Variants in HDGFL3 observed in about 807,000 individuals in gnomAD.
The protein encoded by HDGFL3 is HDGF like 3, also known as hepatoma-derived growth factor-related protein 3.
A neutral mutation model predicts 27.6 loss-of-function variants in HDGFL3; 6 were observed. That is an observed-to-expected ratio of 0.22 (90% CI 0.12 to 0.43). HDGFL3 has a LOEUF of 0.43. Among genes scored for constraint, HDGFL3 ranks in the 20% least tolerant of loss-of-function variants. The pLI is 1.00. For missense variants in HDGFL3, 207 were observed against 250.1 expected, an observed-to-expected ratio of 0.83 and a Z score of 1.16; for synonymous variants, 88 against 88.9, an observed-to-expected ratio of 0.99 and a Z score of 0.05.
At position 83,132,287 on chromosome 15, in the gene HDGFL3, A is replaced by C. The variant is rs1337512291; in HGVS notation, c.*6983T>G. 1 of 152,236 alleles carries C rather than the reference A, an allele frequency of 6.6e-6. No individual in the cohort carries two copies. The highest frequency in any genetic ancestry group is 2.4e-5 in the African/African-American group (1 of 41,452). The allele number at this position is 152,236 out of a possible 1,614,324, so 9.4% of individuals were successfully genotyped here. ...TATGTTGTTCCGAAGATTAACCTGA[A>C]GACAAACTAATTAAATTAAGTGTAT... On this transcript the variant is annotated 3_prime_UTR_variant, in exon 6 of 6. Transcript: ENST00000299633.
At position 83,136,309 on chromosome 15, in the gene HDGFL3, A is replaced by T; in HGVS notation, c.*2961T>A. On this transcript the variant is annotated 3_prime_UTR_variant, in exon 6 of 6. Transcript: ENST00000299633. ...CTAAATTTAATCAAGGACTAAATTT[A>T]ATGAAAGACTCTGACATTAAAGACT... The T allele has an allele frequency of 2.2e-6, 1 of 462,298 alleles. No individual in the cohort carries two copies. The highest frequency in any genetic ancestry group is 3.8e-6 in the Non-Finnish European group (1 of 263,564). 28.6% of individuals were successfully genotyped at this position (462,298 alleles called of 1,614,324 possible). A position where few individuals can be genotyped will look rare whatever the true frequency, so the allele number is the denominator to read the frequency against.
At chr15:83,152,434 C>T (rs957986881) in intron 4 of HDGFL3, among the ~76,000 whole-genome samples, 4 of 152,172 alleles carry the variant, frequency 2.6e-5, no homozygotes, top group Admixed American at 6.5e-5. Flanking sequence ...GGCGCAGTGG[C>T]TCACGCCTTT....
At chr15:83,156,209 CAT>C (rs2037027023) in intron 4 of HDGFL3, among the ~76,000 whole-genome samples, 2 of 152,142 alleles carry the variant, frequency 1.3e-5, no homozygotes, top group African/African-American at 4.8e-5. Context: ...TTCCCTCTGC[CAT>C]ATATGGCTTC....
intron 5 of HDGFL3, among the ~76,000 whole-genome samples, chr15:83,147,258 C>T (rs565992644): frequency 6.6e-6 from 1 of 152,016 alleles, no homozygotes; most frequent in Non-Finnish European, 1.5e-5. Context: ...GGTGTATTTT[C>T]ACCATGTTGG....
At position 83,130,562 on chromosome 15, in the gene HDGFL3, G is replaced by A. The variant is rs1248537316; in HGVS notation, c.*8708C>T. 2.0e-5 allele frequency: 3 copies of A among 152,286 alleles called. No homozygotes were observed. Among genetic ancestry groups the A allele is most frequent in the Non-Finnish European group, 4.4e-5 (3 of 68,094 alleles). 9.4% of individuals were successfully genotyped at this position (152,286 alleles called of 1,614,324 possible). ...TCAGAAGGATGTTTCTCCCAGCCCAGCAGGTGAAGACAGACTGAGTAAAGA... is the reference window on the plus strand; with the variant it reads ...TCAGAAGGATGTTTCTCCCAGCCCAACAGGTGAAGACAGACTGAGTAAAGA... On this transcript the variant is annotated 3_prime_UTR_variant, in exon 6 of 6. Coordinates refer to ENST00000299633, the MANE Select transcript of HDGFL3 (RefSeq NM_016073.4).
downstream of HDGFL3, chr15:83,124,620 G>T: frequency 7.2e-7 from 1 of 1,395,664 alleles, no homozygotes; most frequent in East Asian, 2.3e-5. Flanking sequence ...TCAGATTTCA[G>T]ATTCTTCTTT....
intron 1 of HDGFL3, among the ~76,000 whole-genome samples, chr15:83,171,041 T>C (rs995284206): frequency 1.3e-5 from 2 of 152,046 alleles, no homozygotes; most frequent in Admixed American, 1.3e-4. Flanking sequence ...ACACCAGTCA[T>C]AATGGCTACT....
intron 1 of HDGFL3, among the ~76,000 whole-genome samples, chr15:83,167,620 A>G (rs7165978): frequency 0.28 from 41,795 of 151,764 alleles, 6,547 homozygotes; most frequent in African/African-American, 0.43. Flanking sequence ...TCAACTCAAC[A>G]AGAAGGTTTA....
intron 3 of HDGFL3, chr15:83,116,081 C>A (rs905789688): frequency 1.5e-6 from 1 of 661,362 alleles, no homozygotes. Flanking sequence ...AGCCTTAGGT[C>A]GCTTAGTCAC....
In HDGFL3 at chr15:83,207,257, G is replaced by A. The variant is rs1477352037; in HGVS notation, c.84+74C>T. On this transcript the variant is annotated intron_variant, in intron 1 of 5. Transcript: ENST00000299633. The surrounding 1 kb of genome is among the most constrained non-coding windows in gnomAD (Gnocchi z 4.8). ...GCGGGCTCGGGGCTGAGGCGATGGGGAAAGGGGGCGGGCGCGCCATCATGA... is the reference window on the plus strand; with the variant it reads ...GCGGGCTCGGGGCTGAGGCGATGGGAAAAGGGGGCGGGCGCGCCATCATGA... 2.7e-5 allele frequency: 29 copies of A among 1,075,274 alleles called. No individual in the cohort carries two copies. Among genetic ancestry groups the A allele is most frequent in the Middle Eastern group, 3.4e-4 (1 of 2,946 alleles). 66.6% of individuals were successfully genotyped at this position (1,075,274 alleles called of 1,614,324 possible). A position where few individuals can be genotyped will look rare whatever the true frequency, so the allele number is the denominator to read the frequency against.
intron 1 of HDGFL3, among the ~76,000 whole-genome samples, chr15:83,173,936 T>C (rs1450112605): frequency 6.6e-6 from 1 of 152,204 alleles, no homozygotes; most frequent in Non-Finnish European, 1.5e-5. Context: ...AGCCTGAGGA[T>C]TACAGTACCA....
chr15:83,146,309 A>G (rs1320488426), intron 5 of HDGFL3, among the ~76,000 whole-genome samples: 1 of 152,178 alleles, frequency 6.6e-6, no homozygotes, highest in Non-Finnish European at 1.5e-5. Context: ...TTCTACTGGC[A>G]TTTAACACAC....
In HDGFL3 at chr15:83,207,356, T is replaced by G; in HGVS notation, c.59A>C (p.Lys20Thr). 7.1e-7 allele frequency: 1 copy of G among 1,400,350 alleles called. No individual in the cohort carries two copies. Among genetic ancestry groups the G allele is most frequent in the Non-Finnish European group, 9.3e-7 (1 of 1,071,966 alleles). 86.7% of individuals were successfully genotyped at this position (1,400,350 alleles called of 1,614,324 possible). ...CCGGGCCGGCCAGTGCGGGTAGCCC[T>G]TCATCTTGGCGAAGACCAGGTCGCC... is the stretch of plus-strand genomic sequence containing the variant. ...KAGDLVFAKM[K>T]GYPHWPARID... is the part of the protein sequence containing the mutation. The change falls in exon 1 of 6, where the codon AAG becomes ACG. Residue 20 changes from lysine to threonine, a missense_variant. Physicochemically the swap from Lys to Thr is moderately conservative, Grantham distance 78. Coordinates refer to ENST00000299633, the MANE Select transcript of HDGFL3 (RefSeq NM_016073.4). The surrounding 1 kb of genome is among the most constrained non-coding windows in gnomAD (Gnocchi z 4.8).
rs2037411962 is a variant in HDGFL3 at position 83,183,995 on chromosome 15, T to C, written c.85-19920A>G. Among the ~76,000 whole-genome samples, 4 of 152,296 alleles carry C rather than the reference T, an allele frequency of 2.6e-5. No homozygotes were observed. The South Asian group carries it at 8.3e-4, about 32-fold the overall frequency. On this transcript the variant is annotated intron_variant, in intron 1 of 5. Transcript: ENST00000299633. ...ATGGGAAAAGAATTCACTGCTTTAC[T>C]CAGATCTTCCAAGCCTTGCCTCTCC...
chr15:83,158,080 C>T, intron 2 of HDGFL3, 39 bp from the exon 3 acceptor site: 4 of 1,543,112 alleles, frequency 2.6e-6, no homozygotes, highest in Admixed American at 2.0e-5. Flanking sequence ...ACACACTGAC[C>T]TTCAAAGGTA....
downstream of HDGFL3, among the ~76,000 whole-genome samples, chr15:83,126,124 G>A (rs2035727103): frequency 6.6e-6 from 1 of 152,142 alleles, no homozygotes; most frequent in African/African-American, 2.4e-5. Flanking sequence ...TTGGATTGGG[G>A]CCATTTTTAC....
intron 5 of HDGFL3, among the ~76,000 whole-genome samples, chr15:83,141,421 G>A (rs955969537): frequency 6.6e-6 from 1 of 152,154 alleles, no homozygotes; most frequent in South Asian, 2.1e-4. Context: ...ATGAAGGAAT[G>A]ATAATATTCA....
At chr15:83,115,760 A>G (rs770296522) in intron 3 of HDGFL3, 3 of 905,576 alleles carry the variant, frequency 3.3e-6, no homozygotes, top group South Asian at 2.7e-5. Context: ...CATGAAAAAC[A>G]TTCCATTATT....
At chr15:83,182,826 G>T (rs904493731) in intron 1 of HDGFL3, among the ~76,000 whole-genome samples, 4 of 152,150 alleles carry the variant, frequency 2.6e-5, no homozygotes, top group Non-Finnish European at 5.9e-5. Flanking sequence ...GTAAATTAAT[G>T]TCTGCAATTT....
Sources: allele counts gnomAD v4.1 joint callset (sites outside exome capture counted in the v4.1 genomes callset), GRCh38; gene constraint gnomAD v4.1.1; non-coding constraint Gnocchi (gnomAD v3.1); transcripts MANE v1.5; gene names NCBI Gene and HGNC (gene_info 2026-07-23, HGNC 2026-07-21).